Variants in ARHGAP11A observed in about 807,000 individuals in gnomAD.
ARHGAP11A encodes the protein Rho GTPase activating protein 11A, also known as rho GTPase-activating protein 11A.
In ARHGAP11A, 36 loss-of-function variants were observed where a neutral mutation model predicts 60.5. That is an observed-to-expected ratio of 0.59 (90% confidence interval 0.46 to 0.79). The LOEUF (loss-of-function observed/expected upper bound fraction) is 0.79. ARHGAP11A is among the 30% of genes least tolerant of loss of function. ARHGAP11A has a pLI of 0.00. For missense variants in ARHGAP11A, 1,071 were observed against 1,199.2 expected (o/e 0.89, Z 1.58); for synonymous variants, 362 against 415.5 (o/e 0.87, Z 1.57).
At chr15:32,627,871 G>A (rs2053503662) in intron 6 of ARHGAP11A, among the ~76,000 whole-genome samples, 1 of 142,432 alleles carries the variant, frequency 7.0e-6, no homozygotes. Context: ...GTGCAGTGAT[G>A]CTACCTTGGT....
At position 32,636,649 on chromosome 15, in the gene ARHGAP11A, A is replaced by G; in HGVS notation, c.1876A>G (p.Lys626Glu). ...GCAGTCATCAGTAACTAATGTGGGGAAAGTAAAATTAACTGAACCATCTTA... is the reference window on the plus strand; with the variant it reads ...GCAGTCATCAGTAACTAATGTGGGGGAAGTAAAATTAACTGAACCATCTTA... Reference protein sequence around the residue: ...QRQSSVTNVGKVKLTEPSYLE... With the variant: ...QRQSSVTNVGEVKLTEPSYLE... Residue 626 changes from lysine to glutamate, a missense_variant, in exon 12 of 12, where the codon AAA becomes GAA. Lys to Glu is a moderately conservative substitution (Grantham distance 56, BLOSUM62 1). Transcript: ENST00000361627. 1 of 1,613,766 alleles carries G rather than the reference A, an allele frequency of 6.2e-7. No individual in the cohort carries two copies. The highest frequency in any genetic ancestry group is 8.5e-7 in the Non-Finnish European group (1 of 1,179,888).
Position 32,619,716 on chromosome 15 carries a change from T to C in ARHGAP11A, c.130-392T>C, listed in dbSNP as rs529277955. ...TTTATAAGGTGACCAAAAGAAAGTA[T>C]CTAGTAAGTATTTATAAGGTCATTA... On this transcript the variant is annotated intron_variant, in intron 1 of 11. Coordinates refer to ENST00000361627, the MANE Select transcript of ARHGAP11A (RefSeq NM_014783.6). Among the ~76,000 whole-genome samples the C allele has an allele frequency of 7.9e-5, 12 of 151,806 alleles. No homozygotes were observed. The South Asian group carries it at 2.5e-3, about 32-fold the overall frequency.
intron 2 of ARHGAP11A, 38 bp from the exon 3 acceptor site, chr15:32,623,454 T>C (rs1360321604): frequency 1.3e-6 from 2 of 1,571,168 alleles, no homozygotes; most frequent in Admixed American, 3.4e-5. Context: ...TAGGATGTGA[T>C]ATGTATGTCT....
chr15:32,632,720 C>A (rs548597243), intron 8 of ARHGAP11A: 47 of 266,420 alleles, frequency 1.8e-4, no homozygotes, highest in African/African-American at 9.8e-4. Context: ...GTATTATTAA[C>A]AGAGTTTAAA....
upstream of ARHGAP11A, chr15:32,615,500 G>C (rs940648910): frequency 2.0e-5 from 3 of 152,370 alleles, no homozygotes; most frequent in African/African-American, 7.3e-5. Flanking sequence ...GAAACTGCGG[G>C]TGTGACCCCC....
In ARHGAP11A at chr15:32,638,738, T is replaced by C. The variant is rs1189758338; in HGVS notation, c.*893T>C. Reference sequence around the variant, plus strand: ...TTAAGGCAGAATAATGACTAAAATATGTTCATATATTATGATGTGGAAATA... The same window carrying C: ...TTAAGGCAGAATAATGACTAAAATACGTTCATATATTATGATGTGGAAATA... On this transcript the variant is annotated 3_prime_UTR_variant, in exon 12 of 12. Coordinates refer to ENST00000361627, the MANE Select transcript of ARHGAP11A (RefSeq NM_014783.6). 1 of 152,658 alleles carries C rather than the reference T, an allele frequency of 6.6e-6. No homozygotes were observed. Among genetic ancestry groups the C allele is most frequent in the Non-Finnish European group, 1.5e-5 (1 of 68,034 alleles). 9.5% of individuals were successfully genotyped at this position (152,658 alleles called of 1,614,324 possible). A position where few individuals can be genotyped will look rare whatever the true frequency, so the allele number is the denominator to read the frequency against.
rs574648579 is a variant in ARHGAP11A, at chr15:32,626,577, A to G, written c.862+944A>G. Reference sequence around the variant, plus strand: ...CTTTACCTCCTTTGTAGATAGGATAATACTGATGACTTATGTATGATTTTC... The same window carrying G: ...CTTTACCTCCTTTGTAGATAGGATAGTACTGATGACTTATGTATGATTTTC... On this transcript the variant is annotated intron_variant, in intron 6 of 11. Coordinates refer to ENST00000361627, the MANE Select transcript of ARHGAP11A (RefSeq NM_014783.6). Among the ~76,000 whole-genome samples the G allele has an allele frequency of 1.7e-3, 256 of 152,262 alleles. 1 individual carries two copies. The highest frequency in any genetic ancestry group is 0.01 in the Middle Eastern group (3 of 294).
chr15:32,621,142 G>A (rs1264854566), intron 2 of ARHGAP11A, among the ~76,000 whole-genome samples: 1 of 72,428 alleles, frequency 1.4e-5, no homozygotes, highest in Non-Finnish European at 2.9e-5. Context: ...GTATCACTTA[G>A]CTTTTCTATG....
At position 32,637,431 on chromosome 15, in the gene ARHGAP11A, T is replaced by G; in HGVS notation, c.2658T>G (p.Ser886Arg). Residue 886 changes from serine to arginine, a missense_variant, in exon 12 of 12, where the codon AGT becomes AGG. Transcript: ENST00000361627. ...CDGALSSCIESASKDSSVSCI... is the reference protein window; with the variant it reads ...CDGALSSCIERASKDSSVSCI... ...GTGCTCTTTCCTCTTGTATAGAAAG[T>G]GCATCAAAAGATTCCTCTGTTTCAT... The G allele has an allele frequency of 1.9e-6, 3 of 1,614,098 alleles. No individual in the cohort carries two copies. Among genetic ancestry groups the G allele is most frequent in the Non-Finnish European group, 2.5e-6 (3 of 1,179,974 alleles).
In ARHGAP11A at chr15:32,636,647, G is replaced by A. The variant is rs545619705; in HGVS notation, c.1874G>A (p.Gly625Glu). 6.2e-7 allele frequency: 1 copy of A among 1,613,690 alleles called. No homozygotes were observed. The highest frequency in any genetic ancestry group is 1.1e-5 in the South Asian group (1 of 90,936). The change falls in exon 12 of 12, where the codon GGG becomes GAG. Residue 625 changes from glycine to glutamate, a missense_variant. Around this residue, in one of 4 missense-constraint regions of ARHGAP11A, gnomAD observed 776 missense variants for 760.2 expected, o/e 1.02. Transcript: ENST00000361627. ...NQRQSSVTNV[G>E]KVKLTEPSYL... ...AGGCAGTCATCAGTAACTAATGTGG[G>A]GAAAGTAAAATTAACTGAACCATCT...
At chr15:32,634,786 G>A (rs1325044071) in intron 10 of ARHGAP11A, among the ~76,000 whole-genome samples, 1 of 152,154 alleles carries the variant, frequency 6.6e-6, no homozygotes, top group Non-Finnish European at 1.5e-5. Context: ...TCAAATCCTT[G>A]ATTCCTCACT....
At chr15:32,620,366 A>G (rs888592345) in intron 2 of ARHGAP11A, among the ~76,000 whole-genome samples, 188 bp downstream of exon 2, 13 of 152,304 alleles carry the variant, frequency 8.5e-5, no homozygotes, top group Non-Finnish European at 1.6e-4. Flanking sequence ...AGTCCCAGCT[A>G]CTCAGGGGCC....
At position 32,628,793 on chromosome 15, in the gene ARHGAP11A, G is replaced by T; in HGVS notation, c.928G>T (p.Glu310Ter). The T allele has an allele frequency of 6.5e-7, 1 of 1,547,328 alleles. No homozygotes were observed. Among genetic ancestry groups the T allele is most frequent in the Non-Finnish European group, 8.6e-7 (1 of 1,156,126 alleles). The change falls in exon 7 of 12, where the codon GAA becomes TAA. Residue 310 changes from glutamate (E) to a stop codon, truncating the protein, a stop_gained. Coordinates refer to ENST00000361627, the MANE Select transcript of ARHGAP11A (RefSeq NM_014783.6). LOFTEE classifies it high-confidence loss of function. ...AACACCTTCTATTACACCTCAAGAA[G>T]AAAGAATTGGTAGGTATTTATTATA... Reference protein sequence around the residue: ...NRTPSITPQEERIAQLSESPV... With the variant: ...NRTPSITPQE
chr15:32,628,201 T>G (rs947898681), intron 6 of ARHGAP11A, among the ~76,000 whole-genome samples: 5 of 152,360 alleles, frequency 3.3e-5, no homozygotes, highest in Middle Eastern at 3.4e-3. Flanking sequence ...ATTTATAGCT[T>G]GGCATTAAAG....
In ARHGAP11A at chr15:32,639,297, A is replaced by T. The variant is rs1472855369; in HGVS notation, c.*1452A>T. 6.6e-6 allele frequency: 1 copy of T among 152,230 alleles called. No individual in the cohort carries two copies. The highest frequency in any genetic ancestry group is 1.5e-5 in the Non-Finnish European group (1 of 68,042). The allele number at this position is 152,230 out of a possible 1,614,324, so 9.4% of individuals were successfully genotyped here. On this transcript the variant is annotated 3_prime_UTR_variant, in exon 12 of 12. Transcript: ENST00000361627. The stretch of plus-strand genomic sequence containing the variant: ...AGATGTTGGAGCAGATTAGAGCAGC[A>T]TTCATGCCACTCGGAGCAACCAGAC...
intron 11 of ARHGAP11A, 72 bp downstream of exon 11, chr15:32,635,987 TATTA>T (rs1382008468): frequency 5.4e-6 from 8 of 1,494,918 alleles, no homozygotes; most frequent in African/African-American, 2.9e-5. Context: ...TGGCAAAACA[TATTA>T]ATTAATTTAC....
intron 1 of ARHGAP11A, among the ~76,000 whole-genome samples, chr15:32,617,607 G>A (rs1428040539): frequency 3.3e-5 from 5 of 151,400 alleles, no homozygotes; most frequent in Non-Finnish European, 5.9e-5. Flanking sequence ...GAGTAGCTGG[G>A]ACTACAGGCG....
intron 8 of ARHGAP11A, 167 bp from the exon 9 acceptor site, chr15:32,632,812 C>T: frequency 1.8e-6 from 1 of 552,318 alleles, no homozygotes; most frequent in South Asian, 4.4e-5. Context: ...TTTTTCTTAG[C>T]TGAGTTGGGT....
intron 6 of ARHGAP11A, among the ~76,000 whole-genome samples, chr15:32,627,555 C>G (rs1186030012): frequency 6.6e-6 from 1 of 151,840 alleles, no homozygotes; most frequent in Non-Finnish European, 1.5e-5. Flanking sequence ...CAGTGAAACC[C>G]CGTCTCTACT....
Sources: allele counts gnomAD v4.1 joint callset (sites outside exome capture counted in the v4.1 genomes callset), GRCh38; gene constraint gnomAD v4.1.1; regional missense constraint gnomAD v4.1.1; transcripts MANE v1.5; gene names NCBI Gene and HGNC (gene_info 2026-07-23, HGNC 2026-07-21).